GPC5: variants seen among roughly 807,000 people sequenced by gnomAD.
GPC5 encodes glypican 5.
In GPC5, 47 loss-of-function variants were observed where a neutral mutation model predicts 53.9. That is an observed-to-expected ratio of 0.87 (90% CI 0.69 to 1.11). The LOEUF is 1.11. Among genes scored for constraint, GPC5 ranks in the 50% most tolerant of loss-of-function variants. The probability of loss-of-function intolerance (pLI) is 0.00; values close to 1 mark genes in which losing one functional copy is unlikely to be tolerated. For synonymous variants in GPC5, 286 were observed against 263.3 expected, an observed-to-expected ratio of 1.09 and a Z score of -0.84; for missense variants, 748 against 713.1, an observed-to-expected ratio of 1.05 and a Z score of -0.56.
chr13:92,031,222 T>C (rs1398720393), intron 6 of GPC5, among the ~76,000 whole-genome samples: 1 of 152,156 alleles, frequency 6.6e-6, no homozygotes, highest in Non-Finnish European at 1.5e-5. Context: ...CTTTTTCTTT[T>C]AGCTGCGTGT....
intron 2 of GPC5, among the ~76,000 whole-genome samples, chr13:91,587,098 A>G (rs1340090844): frequency 6.6e-6 from 1 of 152,088 alleles, no homozygotes; most frequent in Non-Finnish European, 1.5e-5. Flanking sequence ...ATGTCTAGTT[A>G]TTGGTAACTC....
At chr13:92,657,921 T>TTG (rs1886196275) in intron 7 of GPC5, among the ~76,000 whole-genome samples, 2 of 152,208 alleles carry the variant, frequency 1.3e-5, no homozygotes, top group African/African-American at 4.8e-5. Flanking sequence ...TCTATTTTTT[T>TTG]GCAACTGGTA....
chr13:91,515,087 A>G (rs1277678721), intron 2 of GPC5, among the ~76,000 whole-genome samples: 1 of 152,210 alleles, frequency 6.6e-6, no homozygotes, highest in Non-Finnish European at 1.5e-5. Flanking sequence ...ACTGTATTGG[A>G]CAGTGCAGAT....
At chr13:91,615,524 T>C (rs2033671838) in intron 2 of GPC5, among the ~76,000 whole-genome samples, 1 of 152,188 alleles carries the variant, frequency 6.6e-6, no homozygotes. Context: ...AGCCAGGTAC[T>C]GAAGAACTAA....
intron 6 of GPC5, among the ~76,000 whole-genome samples, chr13:92,044,709 T>C (rs1209170460): frequency 6.6e-6 from 1 of 152,182 alleles, no homozygotes; most frequent in Non-Finnish European, 1.5e-5. Flanking sequence ...TTAATATAAT[T>C]TGAAATATAG....
At position 92,034,273 on chromosome 13, in the gene GPC5, A is replaced by G. The variant is rs958419589; in HGVS notation, c.1402-110557A>G. On this transcript the variant is annotated intron_variant, in intron 6 of 7. Transcript: ENST00000377067. ...CACTTTGGGAGGCTGAGGCGGGTGG[A>G]TCACTTCAGGTCAGGAGTTCAAGAC... 3.9e-5 allele frequency among the ~76,000 whole-genome samples: 6 copies of G among 152,242 alleles called. No homozygotes were observed. The South Asian group carries it at 6.2e-4, about 16-fold the overall frequency.
intron 7 of GPC5, among the ~76,000 whole-genome samples, chr13:92,591,658 T>C (rs936607298): frequency 2.6e-5 from 4 of 152,140 alleles, no homozygotes; most frequent in African/African-American, 9.7e-5. Flanking sequence ...TCATTAGTTA[T>C]AGTCACCATG....
chr13:92,843,849 T>A (rs908910310), intron 7 of GPC5, among the ~76,000 whole-genome samples: 1 of 152,032 alleles, frequency 6.6e-6, no homozygotes, highest in African/African-American at 2.4e-5. Flanking sequence ...AAAGTAATCA[T>A]CTCTACAGAG....
At chr13:92,187,348 G>C (rs955474227) in intron 7 of GPC5, among the ~76,000 whole-genome samples, 2 of 152,086 alleles carry the variant, frequency 1.3e-5, no homozygotes, top group Non-Finnish European at 2.9e-5. Context: ...AATTGTTAAG[G>C]CATGTTGACT....
intron 7 of GPC5, among the ~76,000 whole-genome samples, chr13:92,625,126 T>C (rs1009371956): frequency 1.3e-5 from 2 of 152,214 alleles, no homozygotes; most frequent in African/African-American, 2.4e-5. Context: ...CAATATAATG[T>C]TGTCCACTGC....
At chr13:92,312,222 C>T (rs2043149675) in intron 7 of GPC5, among the ~76,000 whole-genome samples, 1 of 152,120 alleles carries the variant, frequency 6.6e-6, no homozygotes, top group African/African-American at 2.4e-5. Flanking sequence ...TCTTCAACTC[C>T]TCTTTCTAGA....
intron 7 of GPC5, among the ~76,000 whole-genome samples, chr13:92,722,477 A>C (rs1051170425): frequency 2.6e-5 from 4 of 151,916 alleles, no homozygotes; most frequent in African/African-American, 9.7e-5. Context: ...TAAAGCATAA[A>C]TTTCCAGAGA....
At chr13:91,815,603 C>T (rs957824231) in intron 5 of GPC5, among the ~76,000 whole-genome samples, 2 of 152,150 alleles carry the variant, frequency 1.3e-5, no homozygotes, top group Non-Finnish European at 2.9e-5. Context: ...CCTTAGTGAG[C>T]ACGATGTGAG....
intron 2 of GPC5, among the ~76,000 whole-genome samples, chr13:91,682,400 G>T (rs1462466525): frequency 6.6e-6 from 1 of 152,066 alleles, no homozygotes; most frequent in African/African-American, 2.4e-5. Flanking sequence ...TATGCAAGTA[G>T]GTACCATGTA....
intron 2 of GPC5, among the ~76,000 whole-genome samples, chr13:91,584,780 A>G (rs572670536): frequency 1.1e-4 from 16 of 152,244 alleles, no homozygotes; most frequent in Middle Eastern, 3.4e-3. Context: ...GGGTTTCACA[A>G]TGTTGGCCAG....
At chr13:92,284,488 C>G (rs1356319504) in intron 7 of GPC5, among the ~76,000 whole-genome samples, 1 of 152,088 alleles carries the variant, frequency 6.6e-6, no homozygotes, top group Non-Finnish European at 1.5e-5. Flanking sequence ...TGCAAAAATC[C>G]TCAATAAAAT....
chr13:91,764,764 C>T (rs1360554891), intron 5 of GPC5, among the ~76,000 whole-genome samples: 1 of 152,108 alleles, frequency 6.6e-6, no homozygotes, highest in East Asian at 1.9e-4. Context: ...TTCTGACTCC[C>T]CTGTGCTTGT....
At chr13:92,230,208 A>G (rs1391741474) in intron 7 of GPC5, among the ~76,000 whole-genome samples, 1 of 152,162 alleles carries the variant, frequency 6.6e-6, no homozygotes, top group East Asian at 1.9e-4. Flanking sequence ...CTTATCTACA[A>G]AGCCAAAATT....
intron 7 of GPC5, among the ~76,000 whole-genome samples, chr13:92,642,219 TTG>T (rs1479113726): frequency 6.6e-6 from 1 of 152,180 alleles, no homozygotes; most frequent in Non-Finnish European, 1.5e-5. Context: ...TGGTGATTTA[TTG>T]TTGAAGTAAA....
Sources: gnomAD v4.1 joint callset for allele counts (sites outside exome capture counted in the v4.1 genomes callset) on GRCh38, gnomAD v4.1.1 for gene constraint, MANE v1.5 for transcripts, NCBI Gene and HGNC (gene_info 2026-07-23, HGNC 2026-07-21) for gene names.